The following CACHD1 variants were observed in gnomAD, a reference collection of about 807,000 sequenced individuals.
CACHD1 encodes VWFA and cache domain-containing protein 1.
CACHD1 carries 71 observed loss-of-function variants against 138.7 expected under a neutral mutation model. The observed-to-expected ratio is 0.51, with a 90% CI of 0.42 to 0.62. The LOEUF is 0.62. CACHD1 is among the 20% of genes least tolerant of loss of function. The pLI is 0.00. For missense variants in CACHD1, 1,389 were observed against 1,625.3 expected, an observed-to-expected ratio of 0.85 and a Z score of 2.50; for synonymous variants, 578 against 591.5, an observed-to-expected ratio of 0.98 and a Z score of 0.33.
At chr1:64,628,947 C>T (rs955967018) in intron 4 of CACHD1, among the ~76,000 whole-genome samples, 3 of 152,150 alleles carry the variant, frequency 2.0e-5, no homozygotes, top group South Asian at 4.1e-4. Context: ...AGGTCTAGTC[C>T]CTCTGGTGAT....
At chr1:64,553,592 G>A (rs981463426) in intron 2 of CACHD1, among the ~76,000 whole-genome samples, 7 of 152,110 alleles carry the variant, frequency 4.6e-5, no homozygotes, top group African/African-American at 9.7e-5. Context: ...ATATGGAGAC[G>A]TGTAAAACAT....
At position 64,673,601 on chromosome 1, in the gene CACHD1, G is replaced by A. The variant is rs563614242; in HGVS notation, c.2727+137G>A. On this transcript the variant is annotated intron_variant, in intron 19 of 26. Coordinates refer to ENST00000651257, the MANE Select transcript of CACHD1 (RefSeq NM_020925.4). Reference sequence around the variant, plus strand: ...ACTATAGAATGATAGGAGGAGACAGGAGCTTAGTTCCAGTTCCCAGTTTGA... The same window carrying A: ...ACTATAGAATGATAGGAGGAGACAGAAGCTTAGTTCCAGTTCCCAGTTTGA... 152 of 762,944 alleles carry A rather than the reference G, an allele frequency of 2.0e-4. 2 individuals are homozygous for A. In the Middle Eastern group the frequency reaches 5.9e-3, roughly 29 times the overall value. 47.3% of individuals were successfully genotyped at this position (762,944 alleles called of 1,614,324 possible). A position where few individuals can be genotyped will look rare whatever the true frequency, so the allele number is the denominator to read the frequency against.
rs146817799 is a variant in CACHD1 at position 64,523,892 on chromosome 1, T to C, written c.199-26702T>C. On this transcript the variant is annotated intron_variant, in intron 1 of 26. Coordinates refer to ENST00000651257, the MANE Select transcript of CACHD1 (RefSeq NM_020925.4). ...TTTATTCTTTCTTGCTTCCTTTTTCTAATGGCTATGGACCTCAGTAAATGG... is the reference window on the plus strand; with the variant it reads ...TTTATTCTTTCTTGCTTCCTTTTTCCAATGGCTATGGACCTCAGTAAATGG... Among the ~76,000 whole-genome samples the C allele has an allele frequency of 1.1e-4, 16 of 151,418 alleles. No individual in the cohort carries two copies. The East Asian group carries it at 3.2e-3, about 30-fold the overall frequency.
At chr1:64,571,514 G>T (rs1021531019) in intron 2 of CACHD1, among the ~76,000 whole-genome samples, 1 of 152,178 alleles carries the variant, frequency 6.6e-6, no homozygotes, top group African/African-American at 2.4e-5. Context: ...GAAGGTCATT[G>T]TGTCTCAAGA....
At chr1:64,536,608 T>C (rs2100417330) in intron 1 of CACHD1, among the ~76,000 whole-genome samples, 1 of 152,320 alleles carries the variant, frequency 6.6e-6, no homozygotes, top group Non-Finnish European at 1.5e-5. Context: ...GGAGAAGTAT[T>C]CGGTCCTGCC....
chr1:64,629,324 T>C, intron 4 of CACHD1, 31 bp from the exon 5 acceptor site: 1 of 1,610,734 alleles, frequency 6.2e-7, no homozygotes, highest in Non-Finnish European at 8.5e-7. Context: ...GTGGATTTGG[T>C]GGTTATATTT....
chr1:64,630,426 G>A (rs761297428), intron 5 of CACHD1, among the ~76,000 whole-genome samples: 10 of 151,766 alleles, frequency 6.6e-5, no homozygotes, highest in South Asian at 2.1e-4. Context: ...TCAGCCTGCC[G>A]AGTACCTGGG....
intron 4 of CACHD1, among the ~76,000 whole-genome samples, chr1:64,611,956 G>A (rs1043549938): frequency 9.9e-5 from 15 of 152,282 alleles, no homozygotes; most frequent in African/African-American, 2.9e-4. Context: ...TGGAGGCCTC[G>A]GGAAACTTGT....
intron 8 of CACHD1, 146 bp from the exon 9 acceptor site, chr1:64,647,655 T>A (rs113062797): frequency 9.5e-6 from 6 of 631,520 alleles, no homozygotes; most frequent in African/African-American, 3.7e-5. Flanking sequence ...AACTGGTATT[T>A]GTGTCCAGAG....
rs371855091 is a variant in CACHD1 at position 64,647,781 on chromosome 1, C to G, written c.1157-20C>G. The G allele has an allele frequency of 6.2e-7, 1 of 1,610,620 alleles. No individual in the cohort carries two copies. Among genetic ancestry groups the G allele is most frequent in the African/African-American group, 1.3e-5 (1 of 74,838 alleles). On this transcript the variant is annotated intron_variant, in intron 8 of 26. Transcript: ENST00000651257. ...AAACCATTTTGCTTTCCGTGGTCTT[C>G]TCTCGGCTTTCCATTTTAGATGGGG... is the stretch of plus-strand genomic sequence containing the variant.
intron 4 of CACHD1, among the ~76,000 whole-genome samples, chr1:64,618,668 T>C (rs900665175): frequency 6.6e-6 from 1 of 152,196 alleles, no homozygotes. Flanking sequence ...CACAGTATGA[T>C]GCCAGAAATT....
rs1459685463 is a variant in CACHD1, at chr1:64,470,906, G to T, written c.162G>T (p.Arg54Ser). ...AAGTGCTGGCGAGCCAGATGCGGAG[G>T]CTGGCGGCCGAGGAGCTGGGGGTCG... is the stretch of plus-strand genomic sequence containing the variant. ...EAQVLASQMR[R>S]LAAEELGVVT... is the part of the protein sequence containing the mutation. The change falls in exon 1 of 27, where the codon AGG becomes AGT. Residue 54 changes from arginine (R) to serine (S), a missense_variant. By Grantham distance (110) the Arg-to-Ser change is moderately radical. This residue lies in a region of CACHD1 where 1,000 missense variants were observed against 1,114.7 expected (regional missense o/e 0.90). Coordinates refer to ENST00000651257, the MANE Select transcript of CACHD1 (RefSeq NM_020925.4). The surrounding 1 kb of genome is among the most constrained non-coding windows in gnomAD (Gnocchi z 5.2). 1.2e-6 allele frequency: 2 copies of T among 1,608,632 alleles called. No individual in the cohort carries two copies. Among genetic ancestry groups the T allele is most frequent in the Middle Eastern group, 1.7e-4 (1 of 6,028 alleles).
chr1:64,618,612 A>G (rs1429584719), intron 4 of CACHD1, among the ~76,000 whole-genome samples: 1 of 152,188 alleles, frequency 6.6e-6, no homozygotes, highest in African/African-American at 2.4e-5. Context: ...ATATGGCAAA[A>G]CAATACTCAA....
intron 1 of CACHD1, among the ~76,000 whole-genome samples, chr1:64,535,176 A>G (rs1291984653): frequency 6.6e-6 from 1 of 152,112 alleles, no homozygotes; most frequent in Non-Finnish European, 1.5e-5. Context: ...AAAGATTGGG[A>G]ATATGTCCCT....
At chr1:64,506,910 A>G (rs1463813997) in intron 1 of CACHD1, among the ~76,000 whole-genome samples, 2 of 152,210 alleles carry the variant, frequency 1.3e-5, no homozygotes, top group Non-Finnish European at 2.9e-5. Flanking sequence ...AGGAACCTAT[A>G]GTTGTAAAGT....
chr1:64,529,358 T>G (rs1646564177), intron 1 of CACHD1, among the ~76,000 whole-genome samples: 1 of 152,200 alleles, frequency 6.6e-6, no homozygotes, highest in African/African-American at 2.4e-5. Context: ...TTGCTGGTCC[T>G]GTAATTAACC....
chr1:64,517,218 A>T (rs1646465362), intron 1 of CACHD1, among the ~76,000 whole-genome samples: 1 of 152,180 alleles, frequency 6.6e-6, no homozygotes, highest in Admixed American at 6.6e-5. Context: ...ATCTGCAAAT[A>T]TTTTTTCAGT....
chr1:64,652,347 T>A, intron 10 of CACHD1, 37 bp downstream of exon 10: 1 of 1,551,692 alleles, frequency 6.4e-7, no homozygotes, highest in Middle Eastern at 1.7e-4. Flanking sequence ...AATACTTTTT[T>A]AGAAACCTAA....
chr1:64,547,891 G>A lies in CACHD1; in HGVS notation c.199-2703G>A, dbSNP rs149422009. On this transcript the variant is annotated intron_variant, in intron 1 of 26. Transcript: ENST00000651257. ...CACATCCCCTTTCACTTCTGGGATC[G>A]ATACGGGTTTATACAAAATAAGTAG... is the stretch of plus-strand genomic sequence containing the variant. Among the ~76,000 whole-genome samples the A allele has an allele frequency of 4.3e-3, 656 of 152,304 alleles. 3 individuals are homozygous for A. Among genetic ancestry groups the A allele is most frequent in the Middle Eastern group, 0.01 (3 of 294 alleles).
Sources: allele counts gnomAD v4.1 joint callset (sites outside exome capture counted in the v4.1 genomes callset), GRCh38; gene constraint gnomAD v4.1.1; regional missense constraint gnomAD v4.1.1; non-coding constraint Gnocchi (gnomAD v3.1); transcripts MANE v1.5; gene names NCBI Gene and HGNC (gene_info 2026-07-23, HGNC 2026-07-21).